Variants in PRPSAP1 observed in about 807,000 individuals in gnomAD.
PRPSAP1 encodes phosphoribosyl pyrophosphate synthase-associated protein 1.
In PRPSAP1, 31 loss-of-function variants were observed where a neutral mutation model predicts 39.4. The ratio of observed to expected loss-of-function variants is 0.79; its 90% CI spans 0.59 to 1.06. PRPSAP1 has a LOEUF of 1.06. PRPSAP1 is among the 50% of genes least tolerant of loss of function. The pLI, the probability that PRPSAP1 is intolerant of heterozygous loss-of-function variation, is 0.00. For synonymous variants in PRPSAP1, 212 were observed against 192.6 expected (o/e 1.10, Z -0.83); for missense variants, 430 against 511.6 (o/e 0.84, Z 1.54).
At position 76,311,556 on chromosome 17, in the gene PRPSAP1, T is replaced by C; in HGVS notation, c.1144A>G (p.Thr382Ala). The change falls in exon 10 of 10, where the codon ACT becomes GCT. Residue 382 changes from threonine (T) to alanine (A), a missense_variant. By Grantham distance (58) the Thr-to-Ala change is moderately conservative. Transcript: ENST00000446526. ...ESMAYLFRNI[T>A]VDD ...CCTCGTGAAAGCTAGTCATCCACAG[T>C]GATGTTTCGGAAAAGGTAGGCCATG... is the stretch of plus-strand genomic sequence containing the variant. 6.2e-7 allele frequency: 1 copy of C among 1,613,826 alleles called. No homozygotes were observed. Among genetic ancestry groups the C allele is most frequent in the Non-Finnish European group, 8.5e-7 (1 of 1,179,912 alleles).
At chr17:76,353,104 A>G (rs2071596584) in intron 1 of PRPSAP1, 1 of 159,986 alleles carries the variant, frequency 6.3e-6, no homozygotes, top group Non-Finnish European at 1.4e-5. Context: ...CCCCCAACTC[A>G]CAACCACGCC....
At position 76,311,415 on chromosome 17, in the gene PRPSAP1, G is replaced by T; in HGVS notation, c.*127C>A. The stretch of plus-strand genomic sequence containing the variant: ...TTTAATCCCTCCTCCCCATCAATCC[G>T]GGCAAAAGAAGATATCTAACTCCAG... On this transcript the variant is annotated 3_prime_UTR_variant, in exon 10 of 10. Coordinates refer to ENST00000446526, the MANE Select transcript of PRPSAP1 (RefSeq NM_002766.3). The T allele has an allele frequency of 9.7e-7, 1 of 1,032,808 alleles. No homozygotes were observed. Among genetic ancestry groups the T allele is most frequent in the Non-Finnish European group, 1.4e-6 (1 of 736,892 alleles). 64.0% of individuals were successfully genotyped at this position (1,032,808 alleles called of 1,614,324 possible).
intron 7 of PRPSAP1, among the ~76,000 whole-genome samples, chr17:76,320,719 A>G (rs2071187434): frequency 6.6e-6 from 1 of 150,958 alleles, no homozygotes; most frequent in African/African-American, 2.4e-5. Flanking sequence ...CCAGATAATA[A>G]AATTTTTACA....
chr17:76,341,279 C>T (rs1167190075), intron 3 of PRPSAP1, among the ~76,000 whole-genome samples: 1 of 143,764 alleles, frequency 7.0e-6, no homozygotes, highest in African/African-American at 2.6e-5. Context: ...GCTCTGTTGC[C>T]CAGGTTAGAG....
At chr17:76,347,867 G>C (rs1462842924) in intron 2 of PRPSAP1, among the ~76,000 whole-genome samples, 1 of 152,148 alleles carries the variant, frequency 6.6e-6, no homozygotes, top group Admixed American at 6.6e-5. Context: ...CAAAGTCAGA[G>C]CACACAAGAT....
chr17:76,329,258 GGGGTCTATGTTGCCCA>G (rs1226727190), intron 6 of PRPSAP1, among the ~76,000 whole-genome samples: 5 of 151,934 alleles, frequency 3.3e-5, no homozygotes, highest in Non-Finnish European at 7.4e-5. Context: ...TTGTAGAGAC[GGGGTCTATGTTGCCCA>G]GGCTGGTCTT....
Position 76,328,786 on chromosome 17 carries a change from T to C in PRPSAP1, c.712A>G (p.Met238Val), listed in dbSNP as rs767291915. Residue 238 changes from methionine to valine, a missense_variant, in exon 7 of 10, where the codon ATG (methionine) becomes GTG (valine). Met to Val is a conservative substitution (Grantham distance 21, BLOSUM62 1). This residue lies in a region of PRPSAP1 where 278 missense variants were observed against 376.3 expected (regional missense o/e 0.74). Transcript: ENST00000446526. ...GGCGGGGAGTGACGACCATCGTCCATGTCCAGTTCCGTGCACTGAGCTTCC... is the reference window on the plus strand; with the variant it reads ...GGCGGGGAGTGACGACCATCGTCCACGTCCAGTTCCGTGCACTGAGCTTCC... ...HGEAQCTELD[M>V]DDGRHSPPMV... 13 of 1,614,054 alleles carry C rather than the reference T, an allele frequency of 8.1e-6. No individual in the cohort carries two copies. The highest frequency in any genetic ancestry group is 3.3e-5 in the Admixed American group (2 of 59,990).
At chr17:76,349,995 G>T (rs1385867463) in intron 1 of PRPSAP1, among the ~76,000 whole-genome samples, 1 of 151,368 alleles carries the variant, frequency 6.6e-6, no homozygotes, top group African/African-American at 2.4e-5. Context: ...TGAGGCACGA[G>T]AATCACTTGA....
chr17:76,313,740 G>A (rs1370537108), intron 8 of PRPSAP1, 81 bp downstream of exon 8: 29 of 1,461,804 alleles, frequency 2.0e-5, no homozygotes, highest in Non-Finnish European at 2.7e-5. Context: ...ATCGTTCCTA[G>A]AAATACAGTC....
chr17:76,310,754 G>C lies in PRPSAP1; in HGVS notation c.*788C>G, dbSNP rs889205894. On this transcript the variant is annotated 3_prime_UTR_variant, in exon 10 of 10. Coordinates refer to ENST00000446526, the MANE Select transcript of PRPSAP1 (RefSeq NM_002766.3). ...CAAAGTACTCAGATTATAGGTGTGAGCCACCACACCTAGACTTTTTTTTTT... is the reference window on the plus strand; with the variant it reads ...CAAAGTACTCAGATTATAGGTGTGACCCACCACACCTAGACTTTTTTTTTT... 6.6e-6 allele frequency: 1 copy of C among 150,774 alleles called. No individual in the cohort carries two copies. Among genetic ancestry groups the C allele is most frequent in the Admixed American group, 6.6e-5 (1 of 15,110 alleles). 9.3% of individuals were successfully genotyped at this position (150,774 alleles called of 1,614,324 possible).
intron 7 of PRPSAP1, among the ~76,000 whole-genome samples, chr17:76,320,355 GAA>G (rs2071181499): frequency 7.1e-6 from 1 of 141,406 alleles, no homozygotes; most frequent in East Asian, 2.2e-4. Flanking sequence ...AAGGAAGGAA[GAA>G]AAAGGAAGAA....
At chr17:76,336,627 G>C (rs1156526831) in intron 3 of PRPSAP1, among the ~76,000 whole-genome samples, 1 of 149,692 alleles carries the variant, frequency 6.7e-6, no homozygotes, top group African/African-American at 2.5e-5. Flanking sequence ...AGTTACTCAG[G>C]AGGCTGAGGC....
At chr17:76,322,146 CA>C (rs1477675926) in intron 7 of PRPSAP1, among the ~76,000 whole-genome samples, 1 of 152,202 alleles carries the variant, frequency 6.6e-6, no homozygotes, top group Non-Finnish European at 1.5e-5. Context: ...CCTGTAATCC[CA>C]GCACTTTGGG....
chr17:76,324,665 G>A (rs2071233102), intron 7 of PRPSAP1, among the ~76,000 whole-genome samples: 1 of 151,916 alleles, frequency 6.6e-6, no homozygotes, highest in Non-Finnish European at 1.5e-5. Context: ...GAAAGGAAGA[G>A]TCAATCAACG....
rs555385463 is a variant in PRPSAP1 at position 76,323,285 on chromosome 17, T to C, written c.781+5432A>G. ...TGAACCTGGAAAGCAGAGGTTGCAC[T>C]GAGCCGAGATTGCGCCACTGCACTC... On this transcript the variant is annotated intron_variant, in intron 7 of 9. Coordinates refer to ENST00000446526, the MANE Select transcript of PRPSAP1 (RefSeq NM_002766.3). Among the ~76,000 whole-genome samples, 115 of 147,858 alleles carry C rather than the reference T, an allele frequency of 7.8e-4. 1 individual carries two copies. The highest frequency in any genetic ancestry group is 2.8e-3 in the African/African-American group (111 of 39,048).
At chr17:76,335,660 A>T (rs2071370380) in intron 3 of PRPSAP1, among the ~76,000 whole-genome samples, 1 of 152,142 alleles carries the variant, frequency 6.6e-6, no homozygotes, top group African/African-American at 2.4e-5. Context: ...CCCAGGCTCA[A>T]GTAGTGGGTT....
chr17:76,347,807 A>C (rs930001110), intron 2 of PRPSAP1, among the ~76,000 whole-genome samples: 4 of 152,076 alleles, frequency 2.6e-5, no homozygotes, highest in African/African-American at 9.7e-5. Context: ...GGCTGGACTT[A>C]AGTGGGAGCA....
At chr17:76,327,631 G>A (rs763558639) in intron 7 of PRPSAP1, among the ~76,000 whole-genome samples, 26 of 152,130 alleles carry the variant, frequency 1.7e-4, no homozygotes, top group Non-Finnish European at 2.5e-4. Flanking sequence ...CCAGCCTGGC[G>A]ACAGAGTGAG....
chr17:76,341,203 C>G (rs1410156684), intron 3 of PRPSAP1, among the ~76,000 whole-genome samples: 3 of 150,624 alleles, frequency 2.0e-5, no homozygotes. Context: ...TGCAGACCAA[C>G]GAATTAGTGT....
Sources: allele counts gnomAD v4.1 joint callset (sites outside exome capture counted in the v4.1 genomes callset), GRCh38; gene constraint gnomAD v4.1.1; regional missense constraint gnomAD v4.1.1; transcripts MANE v1.5; gene names NCBI Gene and HGNC (gene_info 2026-07-23, HGNC 2026-07-21).